The following MAB21L4 variants were observed in gnomAD, a reference collection of about 807,000 sequenced individuals.
MAB21L4 encodes the protein mab-21 like 4.
In MAB21L4, 25 loss-of-function variants were observed where a neutral mutation model predicts 32.4. The ratio of observed to expected loss-of-function variants is 0.77; its 90% CI spans 0.56 to 1.08. The LOEUF is 1.08. Among genes scored for constraint, MAB21L4 ranks in the 50% least tolerant of loss-of-function variants. The pLI is 0.00. For synonymous variants in MAB21L4, 280 were observed against 276.8 expected (o/e 1.01, Z -0.11); for missense variants, 638 against 611.0 (o/e 1.04, Z -0.47).
chr2:240,887,451 C>T lies in MAB21L4; in HGVS notation c.1252-289G>A, dbSNP rs189085115. Among the ~76,000 whole-genome samples the T allele has an allele frequency of 8.5e-5, 13 of 152,366 alleles. No homozygotes were observed. The East Asian group carries it at 1.2e-3, about 14-fold the overall frequency. ...CCTCCGGTGACCACCCCACCCTCAC[C>T]GCACCCTGCCCACACAGGTCTGCTG... is the stretch of plus-strand genomic sequence containing the variant. On this transcript the variant is annotated intron_variant, in intron 4 of 4. Coordinates refer to ENST00000388934, the MANE Select transcript of MAB21L4 (RefSeq NM_001085437.3).
chr2:240,892,519 A>G (rs891845538), intron 1 of MAB21L4, among the ~76,000 whole-genome samples: 140 of 152,192 alleles, frequency 9.2e-4, no homozygotes, highest in African/African-American at 3.2e-3. Flanking sequence ...GTTCCCATGG[A>G]GAGAAGAGGC....
rs2059119965 is a variant in MAB21L4, at chr2:240,888,814, C to G, written c.895-166G>C. 2.0e-5 allele frequency among the ~76,000 whole-genome samples: 3 copies of G among 151,316 alleles called. No homozygotes were observed. In the South Asian group the frequency reaches 6.3e-4, roughly 32 times the overall value. On this transcript the variant is annotated intron_variant, in intron 3 of 4. Transcript: ENST00000388934. ...GTCCCAGTCGGAGTCCCAGGCCCCT[C>G]CCACCCGCTGCCCCCAGCCTGCTGG...
intron 1 of MAB21L4, among the ~76,000 whole-genome samples, chr2:240,893,470 C>T (rs955177738): frequency 6.6e-6 from 1 of 152,362 alleles, no homozygotes; most frequent in African/African-American, 2.4e-5. Flanking sequence ...CACACCTCAT[C>T]TGCCGTGGGC....
chr2:240,890,067 C>G lies in MAB21L4; in HGVS notation c.832G>C (p.Val278Leu), dbSNP rs369445547. 2 of 1,613,494 alleles carry G rather than the reference C, an allele frequency of 1.2e-6. No individual in the cohort carries two copies. The highest frequency in any genetic ancestry group is 1.7e-6 in the Non-Finnish European group (2 of 1,179,720). Residue 278 changes from valine to leucine, a missense_variant, in exon 3 of 5, where the codon GTC becomes CTC. Coordinates refer to ENST00000388934, the MANE Select transcript of MAB21L4 (RefSeq NM_001085437.3). ...RLDSLSILDR[V>L]NHESWRDSGQ... ...CTGTCACGCCAGCTCTCGTGGTTGA[C>G]CCGGTCGAGGATGGAGAGGCTGTCC...
In MAB21L4 at chr2:240,886,773, G is replaced by A. The variant is rs1393928462; in HGVS notation, c.*297C>T. On this transcript the variant is annotated 3_prime_UTR_variant, in exon 5 of 5. Coordinates refer to ENST00000388934, the MANE Select transcript of MAB21L4 (RefSeq NM_001085437.3). Reference sequence around the variant, plus strand: ...GGCAGGGCCAAGTCCTCAGCTCCAGGTCTCCTGCCGATGCTGTTTGCTTGA... The same window carrying A: ...GGCAGGGCCAAGTCCTCAGCTCCAGATCTCCTGCCGATGCTGTTTGCTTGA... 1 of 407,756 alleles carries A rather than the reference G, an allele frequency of 2.5e-6. No homozygotes were observed. The highest frequency in any genetic ancestry group is 4.4e-6 in the Non-Finnish European group (1 of 226,832). 25.3% of individuals were successfully genotyped at this position (407,756 alleles called of 1,614,324 possible). A position where few individuals can be genotyped will look rare whatever the true frequency, so the allele number is the denominator to read the frequency against.
Position 240,892,105 on chromosome 2 carries a change from C to G in MAB21L4, c.515-342G>C. ...ACCCTCACCCCACACCCCAGGACCA[C>G]GCCTGCTGTGCCTTCCCAGGCCTTC... is the stretch of plus-strand genomic sequence containing the variant. On this transcript the variant is annotated intron_variant, in intron 1 of 4. Transcript: ENST00000388934. 5 of 1,373,352 alleles carry G rather than the reference C, an allele frequency of 3.6e-6. No individual in the cohort carries two copies. In the South Asian group the frequency reaches 6.5e-5, roughly 18 times the overall value. The allele number at this position is 1,373,352 out of a possible 1,614,324, so 85.1% of individuals were successfully genotyped here.
intron 1 of MAB21L4, among the ~76,000 whole-genome samples, chr2:240,894,819 C>G (rs2059175903): frequency 6.7e-6 from 1 of 150,034 alleles, no homozygotes; most frequent in South Asian, 2.1e-4. Flanking sequence ...AACAAAAGGC[C>G]CCAGAGGAGA....
At chr2:240,893,147 C>G (rs12105664) in intron 1 of MAB21L4, among the ~76,000 whole-genome samples, 82,151 of 152,138 alleles carry the variant, frequency 0.54, 23,356 homozygotes, top group African/African-American at 0.73. Context: ...GGCGTTTCCC[C>G]GAGGGAATCC....
chr2:240,896,116 C>T lies in MAB21L4; in HGVS notation c.-119G>A. ...TGAGCAGCAGGTCTGCAGGTGGGGC[C>T]TCAGCTCCCACACAGCAGAATTCCA... On this transcript the variant is annotated 5_prime_UTR_variant, in exon 1 of 5. Coordinates refer to ENST00000388934, the MANE Select transcript of MAB21L4 (RefSeq NM_001085437.3). 1 of 1,360,646 alleles carries T rather than the reference C, an allele frequency of 7.3e-7. No individual in the cohort carries two copies. Among genetic ancestry groups the T allele is most frequent in the Non-Finnish European group, 9.4e-7 (1 of 1,063,844 alleles). The allele number at this position is 1,360,646 out of a possible 1,614,324, so 84.3% of individuals were successfully genotyped here. A position where few individuals can be genotyped will look rare whatever the true frequency, so the allele number is the denominator to read the frequency against.
At chr2:240,892,347 CT>C (rs1436265929) in intron 1 of MAB21L4, among the ~76,000 whole-genome samples, 1 of 151,492 alleles carries the variant, frequency 6.6e-6, no homozygotes, top group Non-Finnish European at 1.5e-5. Flanking sequence ...CTCCTCCCCC[CT>C]GCCCCCTGCC....
chr2:240,887,019 CAG>C lies in MAB21L4; in HGVS notation c.*49_*50del, dbSNP rs1380554769. Reference sequence around the variant, plus strand: ...CCCAGGAGCCTCCCATGGTGCAGTGCAGAGTCTGTTGGGGAGCCAAGAACAGG... The same window carrying C: ...CCCAGGAGCCTCCCATGGTGCAGTGCAGTCTGTTGGGGAGCCAAGAACAGG... On this transcript the variant is annotated 3_prime_UTR_variant, in exon 5 of 5. Transcript: ENST00000388934. 2.9e-5 allele frequency: 40 copies of C among 1,393,170 alleles called. No homozygotes were observed. Among genetic ancestry groups the C allele is most frequent in the African/African-American group, 4.3e-5 (3 of 70,334 alleles). 86.3% of individuals were successfully genotyped at this position (1,393,170 alleles called of 1,614,324 possible). A position where few individuals can be genotyped will look rare whatever the true frequency, so the allele number is the denominator to read the frequency against.
In MAB21L4 at chr2:240,891,640, G is replaced by T; in HGVS notation, c.638C>A (p.Ala213Asp). The T allele has an allele frequency of 6.2e-7, 1 of 1,609,074 alleles. No homozygotes were observed. Among genetic ancestry groups the T allele is most frequent in the Non-Finnish European group, 8.5e-7 (1 of 1,179,964 alleles). The change falls in exon 2 of 5, where the codon GCC becomes GAC. Residue 213 changes from alanine to aspartate, a missense_variant. Coordinates refer to ENST00000388934, the MANE Select transcript of MAB21L4 (RefSeq NM_001085437.3). ...PVVRRKLGAP[A>D]LEGVQQMPGF... The stretch of plus-strand genomic sequence containing the variant: ...GGGCATCTGCTGCACCCCCTCCAGG[G>T]CAGGCGCCCCAAGCTTCCTTCTCAC...
chr2:240,887,158 TG>T lies in MAB21L4; in HGVS notation c.1255del (p.Gln419ArgfsTer114). On this transcript the variant is annotated frameshift_variant, in exon 5 of 5. Coordinates refer to ENST00000388934, the MANE Select transcript of MAB21L4 (RefSeq NM_001085437.3). LOFTEE classifies it high-confidence loss of function. Reference protein sequence around the residue: ...AYFDVLLDKFQVFNIQDKDRI... With the variant: ...AYFDVLLDKFXVFNIQDKDRI... ...GTCCTTATCCTGGATGTTGAAGACC[TG>T]GAACTACAGGCAGGGTTGCAGGGGA... 1 of 1,613,798 alleles carries T rather than the reference TG, an allele frequency of 6.2e-7. No homozygotes were observed. Among genetic ancestry groups the T allele is most frequent in the Non-Finnish European group, 8.5e-7 (1 of 1,179,692 alleles).
intron 3 of MAB21L4, among the ~76,000 whole-genome samples, chr2:240,889,765 G>A (rs377556025): frequency 1.3e-5 from 2 of 152,334 alleles, no homozygotes; most frequent in African/African-American, 2.4e-5. Context: ...CCGAGGTCAC[G>A]GCCTAGGGAT....
chr2:240,896,583 C>T (rs1323148625), upstream of MAB21L4, among the ~76,000 whole-genome samples: 2 of 152,190 alleles, frequency 1.3e-5, no homozygotes, highest in Non-Finnish European at 2.9e-5. Flanking sequence ...GGGGAGCCCC[C>T]GACTCTCTAA....
At chr2:240,893,865 G>A (rs1039534081) in intron 1 of MAB21L4, among the ~76,000 whole-genome samples, 4 of 152,090 alleles carry the variant, frequency 2.6e-5, no homozygotes, top group South Asian at 4.1e-4. Context: ...AAGTGAGGTC[G>A]GGAAGAAGAT....
chr2:240,887,183 G>T (rs765148740), intron 4 of MAB21L4, 21 bp from the exon 5 acceptor site: 4 of 1,603,458 alleles, frequency 2.5e-6, no homozygotes, highest in Non-Finnish European at 3.4e-6. Flanking sequence ...GGTTGCAGGG[G>T]AGAAGGGTTA....
At chr2:240,891,089 G>T (rs1314418521) in intron 2 of MAB21L4, among the ~76,000 whole-genome samples, 1 of 152,160 alleles carries the variant, frequency 6.6e-6, no homozygotes, top group Non-Finnish European at 1.5e-5. Context: ...ATTGGCTAGG[G>T]GTCTCCAGGG....
Position 240,890,155 on chromosome 2 carries a change from G to A in MAB21L4, c.744C>T (p.Thr248=). The part of the protein sequence containing the change: ...LVPASAQLWR[T]STDYLLTRLL... Reference sequence around the variant, plus strand: ...GCCTCGTGAGCAGGTAGTCAGTGGAGGTCCTGGGGCCCAGACAGACGCACT... The same window carrying A: ...GCCTCGTGAGCAGGTAGTCAGTGGAAGTCCTGGGGCCCAGACAGACGCACT... Residue 248 remains threonine, a synonymous_variant, in exon 3 of 5, where the codon ACC becomes ACT. Transcript: ENST00000388934. The A allele has an allele frequency of 6.2e-7, 1 of 1,602,556 alleles. No homozygotes were observed. Among genetic ancestry groups the A allele is most frequent in the Non-Finnish European group, 8.5e-7 (1 of 1,172,328 alleles).
Sources: allele counts gnomAD v4.1 joint callset (sites outside exome capture counted in the v4.1 genomes callset), GRCh38; gene constraint gnomAD v4.1.1; transcripts MANE v1.5; gene names NCBI Gene and HGNC (gene_info 2026-07-23, HGNC 2026-07-21).